The following CCDC12 variants were observed in gnomAD, a reference collection of about 807,000 sequenced individuals.
CCDC12 encodes coiled-coil domain-containing protein 12.
In CCDC12, 28 loss-of-function variants were observed where a neutral mutation model predicts 25.7. The observed-to-expected ratio is 1.09, with a 90% CI of 0.81 to 1.50. The LOEUF is 1.50. Among genes scored for constraint, CCDC12 ranks in the 40% most tolerant of loss-of-function variants. CCDC12 has a pLI of 0.00. For synonymous variants in CCDC12, 75 were observed against 87.7 expected (o/e 0.86, Z 0.81); for missense variants, 198 against 210.0 (o/e 0.94, Z 0.35).
chr3:46,981,307 T>C (rs1263453325), upstream of CCDC12, among the ~76,000 whole-genome samples: 1 of 151,950 alleles, frequency 6.6e-6, no homozygotes, highest in East Asian at 1.9e-4. Context: ...CCGGGCGTGG[T>C]GGGGTGTGCC....
upstream of CCDC12, among the ~76,000 whole-genome samples, chr3:46,981,298 C>T (rs1237915161): frequency 1.2e-4 from 19 of 152,054 alleles, no homozygotes; most frequent in Admixed American, 4.6e-4. Flanking sequence ...AAAAATTAGC[C>T]GGGCGTGGTG....
chr3:46,979,707 G>C, upstream of CCDC12: 1 of 308,670 alleles, frequency 3.2e-6, no homozygotes, highest in Non-Finnish European at 6.0e-6. Flanking sequence ...GCTCTGCGCC[G>C]CGGAGGCCAC....
intron 2 of CCDC12, among the ~76,000 whole-genome samples, chr3:46,932,095 C>G (rs1349464509): frequency 2.0e-5 from 3 of 152,160 alleles, no homozygotes; most frequent in African/African-American, 7.2e-5. Flanking sequence ...CACAACTGCT[C>G]TAGAGGCTGA....
chr3:46,953,833 T>A (rs188491723), intron 1 of CCDC12, among the ~76,000 whole-genome samples: 2 of 152,216 alleles, frequency 1.3e-5, no homozygotes, highest in African/African-American at 4.8e-5. Context: ...AAATGTCGGT[T>A]AAGAAACTAA....
At chr3:46,977,205 T>A (rs1440255243), upstream of CCDC12, among the ~76,000 whole-genome samples, 2 of 152,132 alleles carry the variant, frequency 1.3e-5, no homozygotes, top group Non-Finnish European at 2.9e-5. Flanking sequence ...CCGGGCGCGG[T>A]GGCTCACGCC....
intron 1 of CCDC12, among the ~76,000 whole-genome samples, chr3:46,944,014 A>C (rs1291042377): frequency 6.6e-6 from 1 of 152,192 alleles, no homozygotes; most frequent in Non-Finnish European, 1.5e-5. Flanking sequence ...ACTGGCCTGA[A>C]TCACAAGATA....
At chr3:46,962,091 G>GA (rs1320067005) in intron 1 of CCDC12, among the ~76,000 whole-genome samples, 3 of 152,106 alleles carry the variant, frequency 2.0e-5, no homozygotes, top group South Asian at 2.1e-4. Flanking sequence ...AAAGATATTA[G>GA]AAAAAAATGA....
upstream of CCDC12, among the ~76,000 whole-genome samples, chr3:46,979,250 A>G (rs112825941): frequency 5.3e-5 from 8 of 152,340 alleles, no homozygotes; most frequent in African/African-American, 1.9e-4. Context: ...ACAAACAGCT[A>G]GAGCTCAAAA....
chr3:46,931,093 C>A (rs995175926), intron 2 of CCDC12, among the ~76,000 whole-genome samples: 5 of 152,186 alleles, frequency 3.3e-5, no homozygotes, highest in Non-Finnish European at 5.9e-5. Context: ...GAAGTTGTGC[C>A]CAGCAGAGAG....
intron 2 of CCDC12, among the ~76,000 whole-genome samples, chr3:46,926,201 T>C (rs941559997): frequency 6.6e-6 from 1 of 152,090 alleles, no homozygotes; most frequent in Non-Finnish European, 1.5e-5. Flanking sequence ...GCTGTGGGAA[T>C]GTGGAGGGGA....
intron 2 of CCDC12, among the ~76,000 whole-genome samples, chr3:46,934,069 G>A (rs1252663457): frequency 3.3e-5 from 5 of 152,186 alleles, no homozygotes; most frequent in Admixed American, 3.3e-4. Context: ...ACAGGCGTGA[G>A]CCACAGCACC....
intron 1 of CCDC12, 181 bp downstream of exon 1, chr3:46,976,455 GT>G: frequency 7.0e-7 from 1 of 1,426,686 alleles, no homozygotes; most frequent in Non-Finnish European, 9.1e-7. Flanking sequence ...CGCCAGAGGA[GT>G]CCCACGCCAA....
chr3:46,927,648 C>T (rs1045208202), intron 2 of CCDC12, among the ~76,000 whole-genome samples: 15 of 152,312 alleles, frequency 9.8e-5, no homozygotes, highest in East Asian at 3.9e-4. Context: ...ATCTAGATCC[C>T]GACCACCATG....
intron 1 of CCDC12, among the ~76,000 whole-genome samples, chr3:46,965,442 C>T (rs989711044): frequency 1.3e-5 from 2 of 152,180 alleles, no homozygotes; most frequent in African/African-American, 4.8e-5. Context: ...CACAGGTGAG[C>T]TAAACCGTGA....
rs1001952631 is a variant in CCDC12, at chr3:46,921,994, C to A, written c.*63G>T. 1.7e-5 allele frequency: 26 copies of A among 1,568,416 alleles called. No homozygotes were observed. The African/African-American group carries it at 3.4e-4, about 20-fold the overall frequency. ...AGGTGATGGCAAGCCTAGCCCCCAT[C>A]CCTGCCCAAGACCATCCTCTGCAGG... On this transcript the variant is annotated 3_prime_UTR_variant, in exon 7 of 7. Coordinates refer to ENST00000683445, the MANE Select transcript of CCDC12 (RefSeq NM_001277074.2).
intron 2 of CCDC12, among the ~76,000 whole-genome samples, chr3:46,932,876 T>A (rs1184834298): frequency 6.6e-6 from 1 of 152,186 alleles, no homozygotes; most frequent in African/African-American, 2.4e-5. Flanking sequence ...AGGAAGAGGG[T>A]GTCACTGACA....
chr3:46,980,118 A>G (rs1403695736), upstream of CCDC12, among the ~76,000 whole-genome samples: 1 of 152,140 alleles, frequency 6.6e-6, no homozygotes, highest in Non-Finnish European at 1.5e-5. Context: ...CCTTGGGGAC[A>G]GAGCTCGCGG....
upstream of CCDC12, among the ~76,000 whole-genome samples, chr3:46,978,402 C>A (rs1029075125): frequency 1.3e-5 from 2 of 152,150 alleles, no homozygotes; most frequent in Admixed American, 6.5e-5. Context: ...GTCTAGGAGT[C>A]TCCAGACTGG....
intron 2 of CCDC12, among the ~76,000 whole-genome samples, chr3:46,933,266 T>C (rs1473198127): frequency 6.6e-6 from 1 of 152,190 alleles, no homozygotes; most frequent in African/African-American, 2.4e-5. Context: ...AAAATTACAA[T>C]TTTAGGTCAC....
Sources: allele counts gnomAD v4.1 joint callset (sites outside exome capture counted in the v4.1 genomes callset), GRCh38; gene constraint gnomAD v4.1.1; transcripts MANE v1.5; gene names NCBI Gene and HGNC (gene_info 2026-07-23, HGNC 2026-07-21).